CDH2: variants seen among roughly 807,000 people sequenced by gnomAD.
CDH2 encodes cadherin 2.
In CDH2, 17 loss-of-function variants were observed where a neutral mutation model predicts 92.0. That is an observed-to-expected ratio of 0.18 (90% CI 0.13 to 0.28). CDH2 has a LOEUF of 0.28. Among genes scored for constraint, CDH2 ranks in the 10% least tolerant of loss-of-function variants. CDH2 has a pLI of 1.00. For synonymous variants in CDH2, 419 were observed against 415.9 expected (o/e 1.01, Z -0.09); for missense variants, 862 against 1,133.1 (o/e 0.76, Z 3.44).
chr18:28,006,662 G>C (rs1357132318), intron 5 of CDH2, among the ~76,000 whole-genome samples: 1 of 148,374 alleles, frequency 6.7e-6, no homozygotes, highest in Non-Finnish European at 1.5e-5. Flanking sequence ...AGGTTGCAGT[G>C]AGCCGAGATT....
At chr18:28,003,479 T>C (rs1219734693) in intron 6 of CDH2, among the ~76,000 whole-genome samples, 1 of 152,190 alleles carries the variant, frequency 6.6e-6, no homozygotes, top group Non-Finnish European at 1.5e-5. Context: ...TTAATTTATA[T>C]AAAATGCAAA....
intron 1 of CDH2, among the ~76,000 whole-genome samples, chr18:28,164,130 C>CAG (rs1555648061): frequency 6.6e-6 from 1 of 152,092 alleles, no homozygotes; most frequent in Non-Finnish European, 1.5e-5. Flanking sequence ...AAGTGACCTT[C>CAG]ATATATATAT....
chr18:27,994,196 A>G (rs2012511963), intron 7 of CDH2, among the ~76,000 whole-genome samples: 1 of 152,232 alleles, frequency 6.6e-6, no homozygotes, highest in Admixed American at 6.5e-5. Context: ...AGAGATATAC[A>G]GTATTCTTAA....
At chr18:28,055,040 G>A (rs2014265120) in intron 2 of CDH2, among the ~76,000 whole-genome samples, 1 of 152,060 alleles carries the variant, frequency 6.6e-6, no homozygotes. Context: ...GAAGCCAAAC[G>A]CTTAAATTTA....
chr18:28,154,813 C>T (rs1390424419), intron 1 of CDH2, among the ~76,000 whole-genome samples: 1 of 152,200 alleles, frequency 6.6e-6, no homozygotes, highest in African/African-American at 2.4e-5. Flanking sequence ...CTCTCTTCCT[C>T]ATTAAGATCA....
intron 2 of CDH2, among the ~76,000 whole-genome samples, chr18:28,041,459 C>T (rs1352073515): frequency 6.6e-6 from 1 of 152,124 alleles, no homozygotes; most frequent in African/African-American, 2.4e-5. Context: ...CTACTTTAAT[C>T]AAAGCCCGAA....
intron 14 of CDH2, among the ~76,000 whole-genome samples, chr18:27,968,845 T>C (rs1385776070): frequency 6.6e-6 from 1 of 151,684 alleles, no homozygotes; most frequent in East Asian, 1.9e-4. Context: ...GGAAAAAAAA[T>C]ATCTGGAAAA....
chr18:28,094,792 T>TA (rs35744873), intron 2 of CDH2, among the ~76,000 whole-genome samples: 27,496 of 82,190 alleles, frequency 0.33, 5,305 homozygotes, highest in African/African-American at 0.42. Flanking sequence ...AGACTCTGTC[T>TA]AAAAAAAAAA....
intron 1 of CDH2, among the ~76,000 whole-genome samples, chr18:28,157,946 G>A (rs1460562635): frequency 6.6e-6 from 1 of 152,132 alleles, no homozygotes; most frequent in Non-Finnish European, 1.5e-5. Flanking sequence ...TTTCAGAGGT[G>A]ATATTGATGA....
At chr18:27,943,414 A>G (rs1389209965) in intron 6 of CDH2, among the ~76,000 whole-genome samples, 1 of 152,172 alleles carries the variant, frequency 6.6e-6, no homozygotes, top group Non-Finnish European at 1.5e-5. Flanking sequence ...GACCTTATAT[A>G]CCTTAATATG....
At chr18:28,167,288 G>A (rs2016400458) in intron 1 of CDH2, among the ~76,000 whole-genome samples, 1 of 152,072 alleles carries the variant, frequency 6.6e-6, no homozygotes, top group South Asian at 2.1e-4. Context: ...CAAACTACCA[G>A]AACTATGGCA....
intron 6 of CDH2, among the ~76,000 whole-genome samples, chr18:28,005,314 G>A (rs1184610280): frequency 6.6e-6 from 1 of 152,144 alleles, no homozygotes; most frequent in Non-Finnish European, 1.5e-5. Context: ...CAGGGGACAC[G>A]CTGGCCACCC....
At chr18:28,031,140 A>G (rs191479343) in intron 2 of CDH2, among the ~76,000 whole-genome samples, 64 of 151,424 alleles carry the variant, frequency 4.2e-4, no homozygotes, top group Non-Finnish European at 8.5e-4. Flanking sequence ...CTAATAAGCA[A>G]CTCAAACTAC....
chr18:27,985,842 C>A (rs892879186), intron 11 of CDH2, 81 bp from the exon 12 acceptor site: 3 of 832,730 alleles, frequency 3.6e-6, no homozygotes, highest in Non-Finnish European at 5.8e-6. Context: ...CTCAAAGCTT[C>A]TAACCTTCTG....
chr18:28,155,418 C>G (rs2016192771), intron 1 of CDH2, among the ~76,000 whole-genome samples: 1 of 152,168 alleles, frequency 6.6e-6, no homozygotes, highest in Non-Finnish European at 1.5e-5. Flanking sequence ...ACTTTTATCT[C>G]TTTGTTCTGT....
chr18:28,118,904 TA>T (rs982429089), intron 2 of CDH2, among the ~76,000 whole-genome samples: 1 of 152,110 alleles, frequency 6.6e-6, no homozygotes, highest in African/African-American at 2.4e-5. Context: ...TTTGTTATGT[TA>T]AAAAATAACT....
intron 14 of CDH2, among the ~76,000 whole-genome samples, chr18:27,970,271 T>TATAGCC (rs2011624731): frequency 1.3e-5 from 2 of 152,154 alleles, no homozygotes; most frequent in African/African-American, 4.8e-5. Context: ...GAGACAAAAG[T>TATAGCC]ATAGCCATCT....
intron 7 of CDH2, among the ~76,000 whole-genome samples, chr18:27,996,038 C>CAA (rs1567955640): frequency 6.6e-6 from 1 of 151,848 alleles, no homozygotes; most frequent in Admixed American, 6.6e-5. Context: ...CTCAGCTGAT[C>CAA]AAGGGGATTC....
rs557750751 is a variant in CDH2, at chr18:28,032,194, C to A, written c.173-18285G>T. On this transcript the variant is annotated intron_variant, in intron 2 of 15. Coordinates refer to ENST00000269141, the MANE Select transcript of CDH2 (RefSeq NM_001792.5). ...TGGAATTTCTTGCACAAAGAATGAA[C>A]AAATTCCAACTAGCTTCTCAGTAAT... Among the ~76,000 whole-genome samples, 11 of 152,190 alleles carry A rather than the reference C, an allele frequency of 7.2e-5. No homozygotes were observed. The East Asian group carries it at 2.1e-3, about 29-fold the overall frequency.
Sources: allele counts gnomAD v4.1 joint callset (sites outside exome capture counted in the v4.1 genomes callset), GRCh38; gene constraint gnomAD v4.1.1; transcripts MANE v1.5; gene names NCBI Gene and HGNC (gene_info 2026-07-23, HGNC 2026-07-21).